The following NEK11 variants were observed in gnomAD, a reference collection of about 807,000 sequenced individuals.
NEK11 encodes serine/threonine-protein kinase Nek11.
NEK11 carries 72 observed loss-of-function variants against 80.7 expected under a neutral mutation model. The ratio of observed to expected loss-of-function variants is 0.89; its 90% CI spans 0.74 to 1.08. The LOEUF (loss-of-function observed/expected upper bound fraction) is 1.08, where lower values mean the gene tolerates loss of function less well. NEK11 is among the 50% of genes least tolerant of loss of function. The probability of loss-of-function intolerance (pLI) is 0.00; values close to 1 mark genes in which losing one functional copy is unlikely to be tolerated. For synonymous variants in NEK11, 251 were observed against 260.7 expected, an observed-to-expected ratio of 0.96 and a Z score of 0.36; for missense variants, 764 against 763.6, an observed-to-expected ratio of 1.00 and a Z score of -0.01.
chr3:131,064,243 T>C (rs1010332179), intron 3 of NEK11, among the ~76,000 whole-genome samples: 8 of 152,204 alleles, frequency 5.3e-5, no homozygotes, highest in Non-Finnish European at 8.8e-5. Context: ...GCTGCCATAA[T>C]GAAATGCCAC....
chr3:131,187,008 A>T (rs2150233700), intron 14 of NEK11, among the ~76,000 whole-genome samples: 1 of 152,294 alleles, frequency 6.6e-6, no homozygotes, highest in African/African-American at 2.4e-5. Context: ...GAATATGAAG[A>T]AATTTCAGCA....
At chr3:131,286,147 T>C (rs1303618967) in intron 17 of NEK11, among the ~76,000 whole-genome samples, 6 of 152,216 alleles carry the variant, frequency 3.9e-5, no homozygotes, top group Admixed American at 6.5e-5. Flanking sequence ...TATGAAAATA[T>C]TTGTTCTGTT....
intron 17 of NEK11, among the ~76,000 whole-genome samples, chr3:131,275,924 T>C (rs2096283445): frequency 6.6e-6 from 1 of 152,134 alleles, no homozygotes; most frequent in African/African-American, 2.4e-5. Context: ...TATGAGGTGA[T>C]AATTAAGAAA....
chr3:131,260,862 G>C (rs778739798), intron 16 of NEK11, among the ~76,000 whole-genome samples: 1 of 152,124 alleles, frequency 6.6e-6, no homozygotes, highest in Non-Finnish European at 1.5e-5. Flanking sequence ...AGTGCACCAA[G>C]GGCAGTGTCT....
In NEK11 at chr3:131,273,520, G is replaced by A; in HGVS notation, c.1664G>A (p.Gly555Glu). The stretch of plus-strand genomic sequence containing the variant: ...ACCATGGCTGAAGACATGTCCCCAG[G>A]ACCACCAATTTTCAACAGTGTGATG... ...ITTMAEDMSPGPPIFNSVMAR... is the reference protein window; with the variant it reads ...ITTMAEDMSPEPPIFNSVMAR... Residue 555 changes from glycine to glutamate, a missense_variant, in exon 17 of 18, where the codon GGA becomes GAA. Transcript: ENST00000383366. The A allele has an allele frequency of 2.5e-6, 4 of 1,614,008 alleles. No individual in the cohort carries two copies. The highest frequency in any genetic ancestry group is 3.4e-6 in the Non-Finnish European group (4 of 1,179,936).
chr3:131,086,994 A>G (rs2076062068), intron 4 of NEK11, among the ~76,000 whole-genome samples: 1 of 152,158 alleles, frequency 6.6e-6, no homozygotes. Context: ...AGAGTATAAC[A>G]TATATTTTGT....
intron 3 of NEK11, among the ~76,000 whole-genome samples, chr3:131,059,928 G>T (rs1044759251): frequency 6.6e-6 from 1 of 152,176 alleles, no homozygotes; most frequent in African/African-American, 2.4e-5. Context: ...ACACAGACAG[G>T]ACCAGCTATA....
intron 13 of NEK11, among the ~76,000 whole-genome samples, chr3:131,170,494 C>T (rs1454418033): frequency 6.6e-6 from 1 of 152,106 alleles, no homozygotes; most frequent in Non-Finnish European, 1.5e-5. Context: ...GGAGTGAGTA[C>T]CTTCAATTGG....
At chr3:131,271,310 C>A (rs1321111063) in intron 16 of NEK11, among the ~76,000 whole-genome samples, 2 of 152,166 alleles carry the variant, frequency 1.3e-5, no homozygotes, top group Non-Finnish European at 2.9e-5. Context: ...CCCTGTTAAT[C>A]CAGTATTTCC....
At chr3:131,326,187 G>C (rs139364842) in intron 17 of NEK11, 80 of 152,324 alleles carry the variant, frequency 5.3e-4, no homozygotes, top group African/African-American at 1.9e-3. Flanking sequence ...AATGGGTACT[G>C]AGGCATTTTG....
At chr3:131,196,064 G>T (rs2093997835) in intron 14 of NEK11, among the ~76,000 whole-genome samples, 1 of 151,448 alleles carries the variant, frequency 6.6e-6, no homozygotes, top group African/African-American at 2.4e-5. Context: ...ATATTAAATA[G>T]AATATGAAAA....
chr3:131,077,316 G>C (rs183546690), intron 3 of NEK11, among the ~76,000 whole-genome samples: 1 of 152,238 alleles, frequency 6.6e-6, no homozygotes, highest in Admixed American at 6.5e-5. Context: ...TACAGATCTC[G>C]TATTAAGTGA....
At chr3:131,076,946 A>C (rs1235337454) in intron 3 of NEK11, among the ~76,000 whole-genome samples, 1 of 152,218 alleles carries the variant, frequency 6.6e-6, no homozygotes, top group African/African-American at 2.4e-5. Context: ...AAAATGTGAA[A>C]AGATATGTGA....
intron 14 of NEK11, among the ~76,000 whole-genome samples, chr3:131,199,696 A>G (rs1048586405): frequency 2.6e-5 from 4 of 152,196 alleles, no homozygotes; most frequent in Admixed American, 1.3e-4. Context: ...AATATCTTAT[A>G]AAACACAGTG....
At chr3:131,078,652 T>C (rs1397853402) in intron 3 of NEK11, among the ~76,000 whole-genome samples, 1 of 152,170 alleles carries the variant, frequency 6.6e-6, no homozygotes, top group Non-Finnish European at 1.5e-5. Context: ...TTGTTTGAAT[T>C]ACTGAGAAGT....
chr3:131,233,891 A>T (rs2095382065), intron 15 of NEK11, among the ~76,000 whole-genome samples: 1 of 152,232 alleles, frequency 6.6e-6, no homozygotes, highest in Non-Finnish European at 1.5e-5. Context: ...TCCTAACTTC[A>T]CACAAGAGGA....
intron 5 of NEK11, among the ~76,000 whole-genome samples, chr3:131,122,212 C>T (rs903285883): frequency 3.3e-5 from 5 of 152,110 alleles, no homozygotes; most frequent in Admixed American, 6.5e-5. Context: ...AATCTGAGTC[C>T]GTAAATATGA....
intron 14 of NEK11, among the ~76,000 whole-genome samples, chr3:131,193,075 C>T (rs1212791105): frequency 6.6e-6 from 1 of 152,088 alleles, no homozygotes. Context: ...AAAATAGTCA[C>T]TTAAAAATAA....
chr3:131,080,330 C>A (rs1331061604), intron 3 of NEK11, 93 bp from the exon 4 acceptor site: 4 of 893,658 alleles, frequency 4.5e-6, no homozygotes, highest in Middle Eastern at 2.3e-4. Context: ...AGGTCACAAC[C>A]TGGGCATTAA....
Sources: gnomAD v4.1 joint callset for allele counts (sites outside exome capture counted in the v4.1 genomes callset) on GRCh38, gnomAD v4.1.1 for gene constraint, MANE v1.5 for transcripts, NCBI Gene and HGNC (gene_info 2026-07-23, HGNC 2026-07-21) for gene names.